The following MGAT5 variants were observed in gnomAD, a reference collection of about 807,000 sequenced individuals.
MGAT5 encodes alpha-1,6-mannosylglycoprotein 6-beta-N-acetylglucosaminyltransferase.
In MGAT5, 30 loss-of-function variants were observed where a neutral mutation model predicts 94.3. The ratio of observed to expected loss-of-function variants is 0.32; its 90% CI spans 0.24 to 0.43. MGAT5 has a LOEUF of 0.43. MGAT5 is among the 20% of genes least tolerant of loss of function. The pLI is 1.00. For synonymous variants in MGAT5, 310 were observed against 322.9 expected (o/e 0.96, Z 0.43); for missense variants, 691 against 905.5 (o/e 0.76, Z 3.04).
rs1211314480 is a variant in MGAT5 at position 134,454,570 on chromosome 2, T to A, written c.*5723T>A. Reference sequence around the variant, plus strand: ...AGAGCACTGCTTTGTTTTCCACTGTTGTAGAGAAAACTAGGGAGAACTTTA... The same window carrying A: ...AGAGCACTGCTTTGTTTTCCACTGTAGTAGAGAAAACTAGGGAGAACTTTA... On this transcript the variant is annotated 3_prime_UTR_variant, in exon 16 of 16. Transcript: ENST00000281923. 6.6e-6 allele frequency: 1 copy of A among 152,192 alleles called. No homozygotes were observed. The allele number at this position is 152,192 out of a possible 1,614,324, so 9.4% of individuals were successfully genotyped here.
chr2:134,386,064 C>T (rs958533404), intron 10 of MGAT5, among the ~76,000 whole-genome samples: 33 of 152,012 alleles, frequency 2.2e-4, no homozygotes, highest in African/African-American at 7.0e-4. Context: ...CATTTTGATC[C>T]GGTGACAAAT....
intron 1 of MGAT5, among the ~76,000 whole-genome samples, chr2:134,216,283 T>C (rs951514009): frequency 2.0e-5 from 3 of 152,164 alleles, no homozygotes; most frequent in Non-Finnish European, 4.4e-5. Context: ...GGCCAGTCAG[T>C]GGGTGAAAGA....
At position 134,317,526 on chromosome 2, in the gene MGAT5, C is replaced by G; in HGVS notation, c.407-3C>G. On this transcript the variant is annotated splice_region_variant and splice_polypyrimidine_tract_variant and intron_variant, in intron 2 of 15. Transcript: ENST00000281923. ...ATCCTTTGTTGTTTTTCATTCTTCA[C>G]AGATATCATTAACGGAGCTCAAGAA... The G allele has an allele frequency of 6.4e-7, 1 of 1,554,034 alleles. No homozygotes were observed. Among genetic ancestry groups the G allele is most frequent in the Non-Finnish European group, 8.7e-7 (1 of 1,151,058 alleles).
At chr2:134,227,575 G>C (rs952378248) in intron 1 of MGAT5, among the ~76,000 whole-genome samples, 2 of 152,196 alleles carry the variant, frequency 1.3e-5, no homozygotes, top group African/African-American at 4.8e-5. Flanking sequence ...GTTAGTATGG[G>C]TATAGGCTGT....
chr2:134,332,954 T>C (rs976394888), intron 4 of MGAT5, among the ~76,000 whole-genome samples: 1 of 152,122 alleles, frequency 6.6e-6, no homozygotes, highest in Admixed American at 6.5e-5. Context: ...GTAGAGGATG[T>C]GGAGAAATAG....
chr2:134,134,328 G>C (rs1257873197), intron 1 of MGAT5, among the ~76,000 whole-genome samples: 2 of 152,160 alleles, frequency 1.3e-5, no homozygotes, highest in African/African-American at 4.8e-5. Context: ...CCTTGCTTCA[G>C]TGGAAGGAGA....
At chr2:134,348,434 C>T (rs1488809971) in intron 8 of MGAT5, among the ~76,000 whole-genome samples, 2 of 152,196 alleles carry the variant, frequency 1.3e-5, no homozygotes, top group Non-Finnish European at 2.9e-5. Context: ...CTTTTCTTCA[C>T]TTCCTGGCCT....
At chr2:134,399,361 A>G (rs995392354) in intron 10 of MGAT5, among the ~76,000 whole-genome samples, 1 of 152,188 alleles carries the variant, frequency 6.6e-6, no homozygotes, top group East Asian at 1.9e-4. Flanking sequence ...GGTTCTGAAC[A>G]TGTACCTGCC....
chr2:134,351,689 A>G (rs1168692226), intron 9 of MGAT5, among the ~76,000 whole-genome samples: 1 of 152,196 alleles, frequency 6.6e-6, no homozygotes, highest in Non-Finnish European at 1.5e-5. Context: ...ACCATGACTC[A>G]GAATTCAGCA....
intron 4 of MGAT5, among the ~76,000 whole-genome samples, chr2:134,335,979 T>C (rs1371675875): frequency 2.0e-5 from 3 of 152,184 alleles, no homozygotes; most frequent in Admixed American, 1.3e-4. Context: ...TGTAAAGTAC[T>C]TCGAAGGACA....
chr2:134,369,758 A>G (rs1000823484), intron 10 of MGAT5, among the ~76,000 whole-genome samples: 1 of 26,868 alleles, frequency 3.7e-5, no homozygotes, highest in Non-Finnish European at 9.7e-5. Context: ...TGTGTGTGTG[A>G]ATGACAGACT....
At chr2:134,339,195 C>T (rs1334196871) in intron 6 of MGAT5, among the ~76,000 whole-genome samples, 3 of 152,154 alleles carry the variant, frequency 2.0e-5, no homozygotes, top group African/African-American at 7.2e-5. Context: ...ATTTGTGAGA[C>T]AACAGGACCA....
chr2:134,448,689 A>T lies in MGAT5; in HGVS notation c.2068A>T (p.Ile690Phe). The T allele has an allele frequency of 6.2e-7, 1 of 1,614,216 alleles. No individual in the cohort carries two copies. The highest frequency in any genetic ancestry group is 1.1e-5 in the South Asian group (1 of 91,084). ...CCAAAGCTCAGAGCTGGCCAAGGAC[A>T]TCCTGGTGCCCTCCTTTGACCCTAA... ...TCQSSELAKD[I>F]LVPSFDPKNK... Residue 690 changes from isoleucine (I) to phenylalanine (F), a missense_variant, in exon 16 of 16, where the codon ATC (isoleucine) becomes TTC (phenylalanine). Ile to Phe is a conservative substitution (Grantham distance 21, BLOSUM62 0). This residue lies in a region of MGAT5 where 260 missense variants were observed against 347.0 expected (regional missense o/e 0.75). Transcript: ENST00000281923.
At chr2:134,249,297 T>G (rs1022584297), upstream of MGAT5, among the ~76,000 whole-genome samples, 1 of 151,598 alleles carries the variant, frequency 6.6e-6, no homozygotes, top group East Asian at 1.9e-4. Context: ...CGTATACAAC[T>G]CCATGGCTTT....
At chr2:134,267,308 C>T (rs1460734034) in intron 1 of MGAT5, among the ~76,000 whole-genome samples, 1 of 152,198 alleles carries the variant, frequency 6.6e-6, no homozygotes, top group Non-Finnish European at 1.5e-5. Flanking sequence ...TTTAGCCTCT[C>T]TGTGCTGTGA....
chr2:134,192,101 G>A (rs896016112), intron 1 of MGAT5, among the ~76,000 whole-genome samples: 2 of 112,960 alleles, frequency 1.8e-5, no homozygotes, highest in South Asian at 3.0e-4. Context: ...GTGGGTTTGC[G>A]CGCTCCTCGC....
chr2:134,332,470 A>G (rs1187574673), intron 4 of MGAT5, among the ~76,000 whole-genome samples: 3 of 152,210 alleles, frequency 2.0e-5, no homozygotes, highest in African/African-American at 4.8e-5. Context: ...TGTTAGACCT[A>G]AAACCATAAA....
In MGAT5 at chr2:134,398,490, C is replaced by T. The variant is rs144995117; in HGVS notation, c.1381-4498C>T. Among the ~76,000 whole-genome samples, 39 of 152,238 alleles carry T rather than the reference C, an allele frequency of 2.6e-4. No homozygotes were observed. The East Asian group carries it at 6.0e-3, about 23-fold the overall frequency. ...GTGCTGCGTGAATGAGGGGAACTGACGTCCAGGAGAAATATGTGTGTCTGC... is the reference window on the plus strand; with the variant it reads ...GTGCTGCGTGAATGAGGGGAACTGATGTCCAGGAGAAATATGTGTGTCTGC... On this transcript the variant is annotated intron_variant, in intron 10 of 15. Coordinates refer to ENST00000281923, the MANE Select transcript of MGAT5 (RefSeq NM_002410.5).
At chr2:134,247,257 C>T (rs1682324668) in intron 1 of MGAT5, among the ~76,000 whole-genome samples, 1 of 151,004 alleles carries the variant, frequency 6.6e-6, no homozygotes, top group African/African-American at 2.4e-5. Context: ...AGGCAAGCAG[C>T]CTTGGAACTT....
Sources: allele counts gnomAD v4.1 joint callset (sites outside exome capture counted in the v4.1 genomes callset), GRCh38; gene constraint gnomAD v4.1.1; regional missense constraint gnomAD v4.1.1; transcripts MANE v1.5; gene names NCBI Gene and HGNC (gene_info 2026-07-23, HGNC 2026-07-21).